MBD5: variants seen among roughly 807,000 people sequenced by gnomAD.
MBD5 encodes the protein methyl-CpG-binding domain protein 5.
Under a neutral mutation model 117.3 loss-of-function variants are expected in MBD5, and 13 were observed. The observed-to-expected ratio is 0.11, with a 90% CI of 0.07 to 0.18. MBD5 has a LOEUF of 0.18. Ranked by LOEUF, MBD5 falls within the 10% of genes least tolerant of loss-of-function variation. The probability of loss-of-function intolerance (pLI) is 1.00; values close to 1 mark genes in which losing one functional copy is unlikely to be tolerated. For missense variants in MBD5, 1,879 were observed against 2,093.8 expected, an observed-to-expected ratio of 0.90 and a Z score of 2.00; for synonymous variants, 727 against 766.4, an observed-to-expected ratio of 0.95 and a Z score of 0.85.
At chr2:148,458,110 G>T in intron 4 of MBD5, 93 bp from the exon 5 acceptor site, 1 of 393,874 alleles carries the variant, frequency 2.5e-6, no homozygotes, top group Non-Finnish European at 4.5e-6. Flanking sequence ...AATGTGATTG[G>T]GTACACTTCG....
intron 4 of MBD5, among the ~76,000 whole-genome samples, chr2:148,394,832 T>A (rs1211709509): frequency 1.3e-5 from 2 of 152,178 alleles, no homozygotes; most frequent in Non-Finnish European, 2.9e-5. Context: ...CCATTTTGTT[T>A]CATGATGAAT....
chr2:148,412,129 T>C (rs182005005), intron 4 of MBD5, among the ~76,000 whole-genome samples: 32 of 152,258 alleles, frequency 2.1e-4, no homozygotes, highest in Admixed American at 5.2e-4. Context: ...CCGTTGCTTG[T>C]TTGTCTTGAC....
At chr2:148,165,352 A>G (rs1437225870) in intron 1 of MBD5, among the ~76,000 whole-genome samples, 1 of 152,134 alleles carries the variant, frequency 6.6e-6, no homozygotes, top group African/African-American at 2.4e-5. Flanking sequence ...ACCACATGAA[A>G]TTACCAATAT....
chr2:148,404,924 T>C (rs1390684461), intron 4 of MBD5, among the ~76,000 whole-genome samples: 3 of 152,286 alleles, frequency 2.0e-5, no homozygotes, highest in South Asian at 2.1e-4. Context: ...TATTTTATTA[T>C]TGCATTGTTC....
chr2:148,227,417 T>C (rs890493296), intron 2 of MBD5, among the ~76,000 whole-genome samples: 3 of 152,182 alleles, frequency 2.0e-5, no homozygotes, highest in Admixed American at 2.0e-4. Flanking sequence ...AAAGATCAGG[T>C]AGTTGTAGAT....
intron 3 of MBD5, among the ~76,000 whole-genome samples, chr2:148,294,992 G>C (rs1486270983): frequency 6.6e-6 from 1 of 152,068 alleles, no homozygotes; most frequent in Non-Finnish European, 1.5e-5. Context: ...TCTCTCCCTT[G>C]AACATTTTCA....
intron 1 of MBD5, among the ~76,000 whole-genome samples, chr2:148,046,399 A>AT (rs1405259621): frequency 2.0e-5 from 3 of 152,188 alleles, no homozygotes; most frequent in Non-Finnish European, 4.4e-5. Flanking sequence ...TCAGCATATG[A>AT]TTAAGTTGTA....
intron 3 of MBD5, among the ~76,000 whole-genome samples, chr2:148,253,991 G>A (rs762912359): frequency 1.2e-4 from 19 of 152,136 alleles, no homozygotes; most frequent in Non-Finnish European, 1.8e-4. Flanking sequence ...TACTTTCCAC[G>A]CTCTAGGCCA....
At chr2:148,080,031 G>C (rs1695610530) in intron 1 of MBD5, among the ~76,000 whole-genome samples, 2 of 152,158 alleles carry the variant, frequency 1.3e-5, no homozygotes. Flanking sequence ...GAATAAAATA[G>C]TGACTCTTCT....
intron 3 of MBD5, among the ~76,000 whole-genome samples, chr2:148,341,750 G>A (rs1221234117): frequency 6.6e-6 from 1 of 151,888 alleles, no homozygotes; most frequent in Non-Finnish European, 1.5e-5. Flanking sequence ...TTTAAAGTGG[G>A]AATGTTAATG....
intron 10 of MBD5, among the ~76,000 whole-genome samples, chr2:148,487,295 G>A (rs780634478): frequency 6.6e-6 from 1 of 152,126 alleles, no homozygotes; most frequent in East Asian, 1.9e-4. Context: ...CTGAGGAGGG[G>A]GTGTGGGATC....
At chr2:148,105,892 A>AG (rs1329321954) in intron 1 of MBD5, among the ~76,000 whole-genome samples, 3 of 152,044 alleles carry the variant, frequency 2.0e-5, no homozygotes, top group Non-Finnish European at 4.4e-5. Flanking sequence ...TTTCATTTTG[A>AG]GATTTTTAGA....
At chr2:148,289,506 T>C (rs1326341864) in intron 3 of MBD5, among the ~76,000 whole-genome samples, 1 of 152,148 alleles carries the variant, frequency 6.6e-6, no homozygotes, top group African/African-American at 2.4e-5. Context: ...CATACCTACA[T>C]TGGATACCTA....
Position 148,470,099 on chromosome 2 carries a change from G to C in MBD5, c.2156G>C (p.Ser719Thr). The change falls in exon 8 of 14, where the codon AGT becomes ACT. Residue 719 changes from serine to threonine, a missense_variant. Coordinates refer to ENST00000642680, the MANE Select transcript of MBD5 (RefSeq NM_001378120.1). Reference protein sequence around the residue: ...SCQSSHLSSNSTPGCGASNTA... With the variant: ...SCQSSHLSSNTTPGCGASNTA... Reference sequence around the variant, plus strand: ...CAAAGCTCTCACTTGAGTAGCAATAGTACCCCGGGTTGTGGGGCCTCAAAT... The same window carrying C: ...CAAAGCTCTCACTTGAGTAGCAATACTACCCCGGGTTGTGGGGCCTCAAAT... The C allele has an allele frequency of 6.2e-7, 1 of 1,613,832 alleles. No homozygotes were observed. Among genetic ancestry groups the C allele is most frequent in the Non-Finnish European group, 8.5e-7 (1 of 1,179,888 alleles).
At chr2:148,267,077 C>G (rs1422506164) in intron 3 of MBD5, among the ~76,000 whole-genome samples, 1 of 152,056 alleles carries the variant, frequency 6.6e-6, no homozygotes, top group Non-Finnish European at 1.5e-5. Context: ...GAACAAAAAA[C>G]ATGCAGGAGG....
chr2:148,242,575 A>G (rs1030019648), intron 3 of MBD5, among the ~76,000 whole-genome samples: 2 of 152,148 alleles, frequency 1.3e-5, no homozygotes, highest in South Asian at 4.1e-4. Context: ...TTTTCTATCA[A>G]AGAAGAATGA....
At chr2:148,073,227 G>A (rs1233730026) in intron 1 of MBD5, among the ~76,000 whole-genome samples, 7 of 152,152 alleles carry the variant, frequency 4.6e-5, no homozygotes, top group Non-Finnish European at 8.8e-5. Context: ...CAATGTAGAA[G>A]AGAAAATGCT....
chr2:148,358,090 A>G (rs1266870915), intron 4 of MBD5, among the ~76,000 whole-genome samples: 1 of 151,964 alleles, frequency 6.6e-6, no homozygotes, highest in Non-Finnish European at 1.5e-5. Flanking sequence ...TCCTCCACCT[A>G]TTGTGGTGTT....
Position 148,441,676 on chromosome 2 carries a change from G to A in MBD5, c.-556-16527G>A, listed in dbSNP as rs1341711105. Among the ~76,000 whole-genome samples, 10 of 151,966 alleles carry A rather than the reference G, an allele frequency of 6.6e-5. No individual in the cohort carries two copies. The East Asian group carries it at 9.7e-4, about 15-fold the overall frequency. On this transcript the variant is annotated intron_variant, in intron 4 of 13. Transcript: ENST00000642680. ...TCTAGTTCTAGATCCCTGAGGAATC[G>A]CCACACCGACTTCCACAATGGTTGA...
Sources: allele counts gnomAD v4.1 joint callset (sites outside exome capture counted in the v4.1 genomes callset), GRCh38; gene constraint gnomAD v4.1.1; transcripts MANE v1.5; gene names NCBI Gene and HGNC (gene_info 2026-07-23, HGNC 2026-07-21).